CHD2: variants seen among roughly 807,000 people sequenced by gnomAD.
CHD2 encodes the protein chromodomain helicase DNA binding protein 2, also known as ATP-dependent chromatin remodeler CHD2.
Under a neutral mutation model 243.9 loss-of-function variants are expected in CHD2, and 28 were observed. That is an observed-to-expected ratio of 0.11 (90% CI 0.09 to 0.16). The LOEUF (loss-of-function observed/expected upper bound fraction) is 0.16, where lower values mean the gene tolerates loss of function less well. Ranked by LOEUF, CHD2 falls within the 10% of genes least tolerant of loss-of-function variation. The pLI, the probability that CHD2 is intolerant of heterozygous loss-of-function variation, is 1.00. For synonymous variants in CHD2, 775 were observed against 779.0 expected (o/e 0.99, Z 0.09); for missense variants, 1,386 against 2,209.8 (o/e 0.63, Z 7.47).
intron 21 of CHD2, 60 bp from the exon 22 acceptor site, chr15:92,979,074 CT>C: frequency 2.5e-6 from 4 of 1,577,508 alleles, no homozygotes; most frequent in South Asian, 1.2e-5. Context: ...ATCCTTCTCT[CT>C]TTTTTTGGGG....
At chr15:93,018,480 G>A (rs900107230) in intron 37 of CHD2, among the ~76,000 whole-genome samples, 4 of 152,240 alleles carry the variant, frequency 2.6e-5, no homozygotes, top group African/African-American at 9.6e-5. Context: ...ATAGACAGAA[G>A]ATGGATTTTT....
chr15:92,946,437 A>C (rs550336174), intron 12 of CHD2: 61 of 369,072 alleles, frequency 1.7e-4, no homozygotes, highest in African/African-American at 1.2e-3. Flanking sequence ...TTAGAAATAG[A>C]GATATTTGAG....
chr15:92,996,897 T>A, intron 28 of CHD2, 60 bp from the exon 29 acceptor site: 1 of 1,540,736 alleles, frequency 6.5e-7, no homozygotes, highest in Non-Finnish European at 8.8e-7. Flanking sequence ...CGTTGATACA[T>A]GTTTTCTGTG....
At chr15:92,958,888 C>G (rs1003653407) in intron 16 of CHD2, among the ~76,000 whole-genome samples, 6 of 152,186 alleles carry the variant, frequency 3.9e-5, no homozygotes, top group Non-Finnish European at 8.8e-5. Context: ...TCAGGGTAGG[C>G]TACGGTGTGA....
intron 16 of CHD2, 104 bp downstream of exon 16, chr15:92,956,753 G>C: frequency 8.9e-7 from 1 of 1,127,612 alleles, no homozygotes; most frequent in Non-Finnish European, 1.2e-6. Flanking sequence ...GCATGGTTTG[G>C]GGAAAGCAAA....
At chr15:92,974,687 T>A (rs1242567970) in intron 19 of CHD2, 192 bp from the exon 20 acceptor site, 1 of 502,226 alleles carries the variant, frequency 2.0e-6, no homozygotes. Context: ...CTTGAGTCTG[T>A]AACTGGAGAG....
At position 92,981,501 on chromosome 15, in the gene CHD2, T is replaced by G. The variant is rs550378330; in HGVS notation, c.3066+44T>G. On this transcript the variant is annotated intron_variant, in intron 24 of 38. Coordinates refer to ENST00000394196, the MANE Select transcript of CHD2 (RefSeq NM_001271.4). ...GAGAGAGTTCTCAGCATTGATTCAT[T>G]AATGATGACTAATGTTTATGAACGC... 3 of 1,391,838 alleles carry G rather than the reference T, an allele frequency of 2.2e-6. No homozygotes were observed. The African/African-American group carries it at 4.3e-5, about 20-fold the overall frequency. 86.2% of individuals were successfully genotyped at this position (1,391,838 alleles called of 1,614,324 possible).
chr15:92,971,626 G>T (rs2053843149), intron 17 of CHD2, 139 bp from the exon 18 acceptor site: 3 of 559,406 alleles, frequency 5.4e-6, no homozygotes, highest in African/African-American at 1.9e-5. Context: ...AGATACAAAA[G>T]AAAATATTCT....
At chr15:92,938,310 A>G (rs76682816) in intron 6 of CHD2, among the ~76,000 whole-genome samples, 1,960 of 152,336 alleles carry the variant, frequency 0.013, 55 homozygotes, top group African/African-American at 0.045. Flanking sequence ...CTCAAAAACA[A>G]TTCTGTTCTC....
intron 37 of CHD2, among the ~76,000 whole-genome samples, chr15:93,019,342 A>G (rs2054502175): frequency 6.6e-6 from 1 of 152,212 alleles, no homozygotes; most frequent in Non-Finnish European, 1.5e-5. Flanking sequence ...TTTGTTGTTA[A>G]GAGTCTGCCA....
chr15:93,014,716 C>A lies in CHD2; in HGVS notation c.4713C>A (p.Asp1571Glu). ...QEEEEQKKKD[D>E]VTGGKKPFRP... Reference sequence around the variant, plus strand: ...TTTAGGAGCAAAAGAAGAAAGACGACGTGACTGGGGGTAAGAAACCATTTC... The same window carrying A: ...TTTAGGAGCAAAAGAAGAAAGACGAAGTGACTGGGGGTAAGAAACCATTTC... Residue 1571 changes from aspartate (D) to glutamate (E), a missense_variant, in exon 37 of 39, where the codon GAC becomes GAA. Coordinates refer to ENST00000394196, the MANE Select transcript of CHD2 (RefSeq NM_001271.4). 9 of 1,614,046 alleles carry A rather than the reference C, an allele frequency of 5.6e-6. No homozygotes were observed. The highest frequency in any genetic ancestry group is 6.8e-6 in the Non-Finnish European group (8 of 1,180,002).
At chr15:92,927,181 A>G in intron 3 of CHD2, 63 bp from the exon 4 acceptor site, 1 of 1,169,382 alleles carries the variant, frequency 8.6e-7, no homozygotes, top group Non-Finnish European at 1.3e-6. Flanking sequence ...ATTGCAATAA[A>G]CGTTTGATAA....
intron 38 of CHD2, among the ~76,000 whole-genome samples, chr15:93,023,643 A>G (rs1264175549): frequency 6.6e-6 from 1 of 150,440 alleles, no homozygotes; most frequent in Admixed American, 6.6e-5. Flanking sequence ...GGTTTTCCTT[A>G]TCTTTGCCAA....
intron 19 of CHD2, among the ~76,000 whole-genome samples, 153 bp downstream of exon 19, chr15:92,972,570 G>GGTCTTAATTTTTACTT (rs1432844804): frequency 1.2e-5 from 1 of 82,262 alleles, no homozygotes; most frequent in Non-Finnish European, 3.0e-5. Flanking sequence ...GATTCCAGGG[G>GGTCTTAATTTTTACTT]GCCGGGCGCG....
At position 92,924,561 on chromosome 15, in the gene CHD2, T is replaced by C. The variant is rs1286548076; in HGVS notation, c.294+9T>C. On this transcript the variant is annotated intron_variant, in intron 3 of 38. Transcript: ENST00000394196. ...TAGCTGATGTGAAGAAGGTATCTACTTTGCCCTGCAGTACAAATGTGCTGC... is the reference window on the plus strand; with the variant it reads ...TAGCTGATGTGAAGAAGGTATCTACCTTGCCCTGCAGTACAAATGTGCTGC... 6.2e-7 allele frequency: 1 copy of C among 1,612,264 alleles called. No individual in the cohort carries two copies. Among genetic ancestry groups the C allele is most frequent in the Non-Finnish European group, 8.5e-7 (1 of 1,178,356 alleles).
chr15:92,920,146 CT>C (rs34347662), intron 2 of CHD2, among the ~76,000 whole-genome samples: 26,116 of 149,798 alleles, frequency 0.17, 3,002 homozygotes, highest in Non-Finnish European at 0.26. Context: ...AGAAAAACGG[CT>C]TTTTTTTTTC....
At chr15:92,937,340 T>C (rs921279717) in intron 5 of CHD2, among the ~76,000 whole-genome samples, 178 bp from the exon 6 acceptor site, 1 of 152,220 alleles carries the variant, frequency 6.6e-6, no homozygotes, top group Non-Finnish European at 1.5e-5. Flanking sequence ...GGAATCGATA[T>C]TATGTAGTCC....
At chr15:92,934,229 G>C (rs547304305) in intron 5 of CHD2, among the ~76,000 whole-genome samples, 11 of 152,138 alleles carry the variant, frequency 7.2e-5, no homozygotes, top group Non-Finnish European at 1.3e-4. Flanking sequence ...TGATTTGTCT[G>C]TCTTAGGATT....
chr15:92,982,891 G>C lies in CHD2; in HGVS notation c.3066+1434G>C, dbSNP rs569874185. 3.9e-5 allele frequency among the ~76,000 whole-genome samples: 6 copies of C among 152,270 alleles called. No individual in the cohort carries two copies. The South Asian group carries it at 1.2e-3, about 32-fold the overall frequency. ...TTCGTCATAGTCGGTTTGGGCTCCT[G>C]CAGTAAAATACCGTAGACTGGGTGG... On this transcript the variant is annotated intron_variant, in intron 24 of 38. Transcript: ENST00000394196.
Sources: allele counts gnomAD v4.1 joint callset (sites outside exome capture counted in the v4.1 genomes callset), GRCh38; gene constraint gnomAD v4.1.1; transcripts MANE v1.5; gene names NCBI Gene and HGNC (gene_info 2026-07-23, HGNC 2026-07-21).